Variants in ZNF483 observed in about 807,000 individuals in gnomAD.
ZNF483 encodes zinc finger protein HIT-10.
ZNF483 carries 9 observed loss-of-function variants against 28.6 expected under a neutral mutation model. The observed-to-expected ratio is 0.32, with a 90% CI of 0.19 to 0.55. The LOEUF (loss-of-function observed/expected upper bound fraction) is 0.55, where lower values mean the gene tolerates loss of function less well. Among genes scored for constraint, ZNF483 ranks in the 20% least tolerant of loss-of-function variants. The pLI is 0.93. For synonymous variants in ZNF483, 322 were observed against 306.2 expected (o/e 1.05, Z -0.54); for missense variants, 675 against 871.7 (o/e 0.77, Z 2.84).
At chr9:111,536,845 G>A (rs4978442) in intron 5 of ZNF483, among the ~76,000 whole-genome samples, 152,099 of 152,322 alleles carry the variant, frequency 1, 75,938 homozygotes, top group Middle Eastern at 1. Flanking sequence ...TTTTTATACT[G>A]TATTCTAGTA....
rs200055805 is a variant in ZNF483 at position 111,570,217 on chromosome 9, G to A, written c.722-6148G>A. 5.6e-5 allele frequency: 91 copies of A among 1,611,460 alleles called. 1 individual carries two copies. In the Middle Eastern group the frequency reaches 1.4e-3, roughly 24 times the overall value. On this transcript the variant is annotated intron_variant, in intron 5 of 5. Coordinates refer to the ZNF483 transcript ENST00000358151. ...CAATCTCTGGGGGTGGGCCTGTGAAGAGAAGGGCACATTTGGGTGGCAGGA... is the reference window on the plus strand; with the variant it reads ...CAATCTCTGGGGGTGGGCCTGTGAAAAGAAGGGCACATTTGGGTGGCAGGA...
At chr9:111,568,960 G>A (rs1828693460) in intron 5 of ZNF483, among the ~76,000 whole-genome samples, 1 of 152,096 alleles carries the variant, frequency 6.6e-6, no homozygotes, top group South Asian at 2.1e-4. Flanking sequence ...ATTAGACATG[G>A]GTACGACAGA....
chr9:111,533,445 G>T (rs1827399485), intron 3 of ZNF483, among the ~76,000 whole-genome samples: 1 of 152,210 alleles, frequency 6.6e-6, no homozygotes, highest in Non-Finnish European at 1.5e-5. Context: ...GCTCTGGGAG[G>T]TAGAGGACAG....
intron 5 of ZNF483, among the ~76,000 whole-genome samples, chr9:111,568,790 A>G (rs537340128): frequency 1.3e-5 from 2 of 152,362 alleles, no homozygotes; most frequent in African/African-American, 4.8e-5. Flanking sequence ...AAAAATAGAA[A>G]GAACCTATGT....
Position 111,541,637 on chromosome 9 carries a change from C to G in ZNF483, c.722-20C>G. 2 of 1,557,078 alleles carry G rather than the reference C, an allele frequency of 1.3e-6. No individual in the cohort carries two copies. The highest frequency in any genetic ancestry group is 8.7e-7 in the Non-Finnish European group (1 of 1,154,634). ...TCCTTTCTTGCAAACAGGAAATATT[C>G]TATTTCTTATATCTTTTAGATGAAT... On this transcript the variant is annotated intron_variant, in intron 5 of 5. Coordinates refer to ENST00000309235, the MANE Select transcript of ZNF483 (RefSeq NM_133464.5).
At chr9:111,541,004 G>A (rs1827657793) in intron 5 of ZNF483, among the ~76,000 whole-genome samples, 1 of 151,932 alleles carries the variant, frequency 6.6e-6, no homozygotes, top group South Asian at 2.1e-4. Context: ...TGCGGGACCT[G>A]GCATTTGGTA....
Position 111,543,271 on chromosome 9 carries a change from G to C in ZNF483, c.*101G>C. ...GTATTGATCAGTAGCTGCAGCTTTCGTAAATTGGCAGTTAGGAAAAATATC... is the reference window on the plus strand; with the variant it reads ...GTATTGATCAGTAGCTGCAGCTTTCCTAAATTGGCAGTTAGGAAAAATATC... On this transcript the variant is annotated 3_prime_UTR_variant, in exon 6 of 6. Coordinates refer to ENST00000309235, the MANE Select transcript of ZNF483 (RefSeq NM_133464.5). 1 of 1,457,138 alleles carries C rather than the reference G, an allele frequency of 6.9e-7. No homozygotes were observed. The highest frequency in any genetic ancestry group is 9.0e-7 in the Non-Finnish European group (1 of 1,111,286). 90.3% of individuals were successfully genotyped at this position (1,457,138 alleles called of 1,614,324 possible). A position where few individuals can be genotyped will look rare whatever the true frequency, so the allele number is the denominator to read the frequency against.
rs1827997038 is a variant in ZNF483, at chr9:111,552,448, T to C, written c.*9278T>C. Among the ~76,000 whole-genome samples, 1 of 152,222 alleles carries C rather than the reference T, an allele frequency of 6.6e-6. No individual in the cohort carries two copies. Among genetic ancestry groups the C allele is most frequent in the South Asian group, 2.1e-4 (1 of 4,832 alleles). ...TGTATCATGCAATAGAATAGAGCAA[T>C]GAGGGAAAAGTTATCCTCTTGCTTT... On this transcript the variant is annotated 3_prime_UTR_variant, in exon 6 of 6. Coordinates refer to ENST00000309235, the MANE Select transcript of ZNF483 (RefSeq NM_133464.5).
At position 111,536,361 on chromosome 9, in the gene ZNF483, TACAA is replaced by T. The variant is rs527768862; in HGVS notation, c.721+2010_721+2013del. Among the ~76,000 whole-genome samples, 487 of 148,824 alleles carry T rather than the reference TACAA, an allele frequency of 3.3e-3. 7 individuals are homozygous for T. Among genetic ancestry groups the T allele is most frequent in the Middle Eastern group, 0.02 (6 of 294 alleles). On this transcript the variant is annotated intron_variant, in intron 5 of 5. Coordinates refer to ENST00000309235, the MANE Select transcript of ZNF483 (RefSeq NM_133464.5). ...GGTGAAACCCCGTCTCTACTAAAAA[TACAA>T]AAAAAAAAAATTAACCAGGCTTGGT...
chr9:111,541,851 C>G lies in ZNF483; in HGVS notation c.916C>G (p.Pro306Ala). The G allele has an allele frequency of 6.2e-7, 1 of 1,613,720 alleles. No individual in the cohort carries two copies. The highest frequency in any genetic ancestry group is 8.5e-7 in the Non-Finnish European group (1 of 1,179,956). ...TAAGAAATTTGACCCAGATAAAAGC[C>G]CCTTTGGACATAATTTCAAAGAAAC... ...RGKKFDPDKS[P>A]FGHNFKETSD... Residue 306 changes from proline (P) to alanine (A), a missense_variant, in exon 6 of 6, where the codon CCC (proline) becomes GCC (alanine). Physicochemically the swap from Pro to Ala is conservative, Grantham distance 27. This residue lies in a region of ZNF483 where 525 missense variants were observed against 581.8 expected (regional missense o/e 0.90). Coordinates refer to ENST00000309235, the MANE Select transcript of ZNF483 (RefSeq NM_133464.5).
In ZNF483 at chr9:111,551,394, GTTTTTGTTTTTTTTTTTTT is replaced by G. The variant is rs1378390222; in HGVS notation, c.*8230_*8248del. Among the ~76,000 whole-genome samples, 1 of 115,498 alleles carries G rather than the reference GTTTTTGTTTTTTTTTTTTT, an allele frequency of 8.7e-6. No individual in the cohort carries two copies. The highest frequency in any genetic ancestry group is 3.4e-5 in the African/African-American group (1 of 29,840). The allele number at this position is 115,498 out of a possible 152,430, so 75.8% of individuals were successfully genotyped here. ...TTCCAATAACTGAATCAAGTATCCA[GTTTTTGTTTTTTTTTTTTT>G]TTTTTTTTTTTTGAGATGGAGTCTC... On this transcript the variant is annotated 3_prime_UTR_variant, in exon 6 of 6. Coordinates refer to ENST00000309235, the MANE Select transcript of ZNF483 (RefSeq NM_133464.5).
chr9:111,557,977 T>C (rs1197264101), downstream of ZNF483, among the ~76,000 whole-genome samples: 2 of 152,070 alleles, frequency 1.3e-5, no homozygotes, highest in African/African-American at 4.8e-5. Flanking sequence ...TGAAACTCTG[T>C]CTCTACTAAA....
At chr9:111,577,434 A>G (rs1409496805) in exon 6 of ZNF483, 4 of 152,208 alleles carry the variant, frequency 2.6e-5, no homozygotes, top group Non-Finnish European at 5.9e-5. Flanking sequence ...TGAAATTATC[A>G]TATGACCCAG....
At chr9:111,528,592 A>G (rs1390915845) in intron 2 of ZNF483, among the ~76,000 whole-genome samples, 5 of 152,104 alleles carry the variant, frequency 3.3e-5, no homozygotes, top group African/African-American at 4.8e-5. Flanking sequence ...TGTATTTTGC[A>G]GTGTAATATG....
rs755268739 is a variant in ZNF483 at position 111,542,080 on chromosome 9, A to G, written c.1145A>G (p.Lys382Arg). 6.2e-7 allele frequency: 1 copy of G among 1,614,172 alleles called. No homozygotes were observed. The highest frequency in any genetic ancestry group is 1.1e-5 in the South Asian group (1 of 91,082). Reference sequence around the variant, plus strand: ...CTTACTGAACATCAGAAACGTCAGAAGATTCATTTGGGGGATAGGTCCCAA... The same window carrying G: ...CTTACTGAACATCAGAAACGTCAGAGGATTCATTTGGGGGATAGGTCCCAA... ...SALTEHQKRQKIHLGDRSQKC... is the reference protein window; with the variant it reads ...SALTEHQKRQRIHLGDRSQKC... Residue 382 changes from lysine (K) to arginine (R), a missense_variant, in exon 6 of 6, where the codon AAG becomes AGG. Transcript: ENST00000309235. The surrounding 1 kb of genome is among the most constrained non-coding windows in gnomAD (Gnocchi z 6.2).
chr9:111,554,818 T>C lies in ZNF483; in HGVS notation c.*11648T>C, dbSNP rs1828074292. Among the ~76,000 whole-genome samples the C allele has an allele frequency of 6.6e-6, 1 of 152,226 alleles. No individual in the cohort carries two copies. Among genetic ancestry groups the C allele is most frequent in the Admixed American group, 6.5e-5 (1 of 15,284 alleles). ...GAAACTTTGAATAAGGGGAGACCAC[T>C]GTATTTTACCCAAGGGAGACAATCC... On this transcript the variant is annotated 3_prime_UTR_variant, in exon 6 of 6. Coordinates refer to ENST00000309235, the MANE Select transcript of ZNF483 (RefSeq NM_133464.5).
intron 5 of ZNF483, among the ~76,000 whole-genome samples, chr9:111,568,419 G>A (rs1023962491): frequency 6.6e-6 from 1 of 152,092 alleles, no homozygotes; most frequent in Non-Finnish European, 1.5e-5. Flanking sequence ...GTAAATTTGT[G>A]GTCAGACTGG....
chr9:111,561,983 T>A (rs1295748721), intron 5 of ZNF483, among the ~76,000 whole-genome samples: 1 of 152,080 alleles, frequency 6.6e-6, no homozygotes, highest in African/African-American at 2.4e-5. Flanking sequence ...CCTCCTGGGC[T>A]CAAGCGATTT....
At chr9:111,538,968 C>T (rs535250772) in intron 5 of ZNF483, among the ~76,000 whole-genome samples, 1 of 152,052 alleles carries the variant, frequency 6.6e-6, no homozygotes, top group African/African-American at 2.4e-5. Context: ...CAAAAATTAG[C>T]CAGGCGTGGT....
Sources: gnomAD v4.1 joint callset for allele counts (sites outside exome capture counted in the v4.1 genomes callset) on GRCh38, gnomAD v4.1.1 for gene constraint, gnomAD v4.1.1 regional missense constraint, Gnocchi (gnomAD v3.1) non-coding constraint, MANE v1.5 for transcripts, NCBI Gene and HGNC (gene_info 2026-07-23, HGNC 2026-07-21) for gene names.